TUBAL3: variants seen among roughly 807,000 people sequenced by gnomAD.
The protein encoded by TUBAL3 is tubulin alpha like 3, also known as tubulin alpha chain-like 3.
TUBAL3 carries 16 observed loss-of-function variants against 15.5 expected under a neutral mutation model. The ratio of observed to expected loss-of-function variants is 1.04; its 90% CI spans 0.70 to 1.57. The LOEUF (loss-of-function observed/expected upper bound fraction) is 1.57. Ranked by LOEUF, TUBAL3 falls within the 40% of genes most tolerant of loss-of-function variation. The pLI, the probability that TUBAL3 is intolerant of heterozygous loss-of-function variation, is 0.00. For synonymous variants in TUBAL3, 238 were observed against 224.3 expected (o/e 1.06, Z -0.55); for missense variants, 609 against 576.2 (o/e 1.06, Z -0.58).
Position 5,401,063 on chromosome 10 carries a change from C to G in TUBAL3, c.28G>C (p.Gly10Arg). The change falls in exon 2 of 4, where the codon GGT (glycine) becomes CGT (arginine). Residue 10 changes from glycine to arginine, a missense_variant. Transcript: ENST00000380419. ...TCCCCAATCTGGATGCCAGCTTGAC[C>G]GATGTGGATGGAAAGGCACTCCCTC... MRECLSIHI[G>R]QAGIQIGDAC... The G allele has an allele frequency of 1.2e-6, 2 of 1,614,072 alleles. No individual in the cohort carries two copies. The highest frequency in any genetic ancestry group is 1.7e-6 in the Non-Finnish European group (2 of 1,180,020).
Position 5,396,235 on chromosome 10 carries a change from C to T in TUBAL3, c.248-760G>A, listed in dbSNP as rs1344854149. Among the ~76,000 whole-genome samples, 1 of 152,164 alleles carries T rather than the reference C, an allele frequency of 6.6e-6. No individual in the cohort carries two copies. The highest frequency in any genetic ancestry group is 6.5e-5 in the Admixed American group (1 of 15,272). ...CACACAGAAAGGCATATCCAGGGCA[C>T]AGTGGCTCACACCTGTAATCCCAGC... On this transcript the variant is annotated intron_variant, in intron 2 of 3. Coordinates refer to ENST00000380419, the MANE Select transcript of TUBAL3 (RefSeq NM_024803.3). The surrounding 1 kb of genome is among the most constrained non-coding windows in gnomAD (Gnocchi z 5.1).
rs782444461 is a variant in TUBAL3 at position 5,393,977 on chromosome 10, G to T, written c.881C>A (p.Ser294Tyr). ...SADKAYHEQF[S>Y]VSDITTACFE... Reference sequence around the variant, plus strand: ...GCAGGCAGTGGTGATGTCTGACACAGAGAACTGCTCATGGTAGGCTTTGTC... The same window carrying T: ...GCAGGCAGTGGTGATGTCTGACACATAGAACTGCTCATGGTAGGCTTTGTC... Residue 294 changes from serine to tyrosine, a missense_variant, in exon 4 of 4, where the codon TCT becomes TAT. Physicochemically the swap from Ser to Tyr is moderately radical, Grantham distance 144. Transcript: ENST00000380419. The T allele has an allele frequency of 2.0e-5, 33 of 1,614,080 alleles. No homozygotes were observed. Among genetic ancestry groups the T allele is most frequent in the Non-Finnish European group, 2.7e-5 (32 of 1,180,042 alleles).
chr10:5,399,538 G>A (rs1473164132), intron 2 of TUBAL3, among the ~76,000 whole-genome samples: 1 of 152,208 alleles, frequency 6.6e-6, no homozygotes, highest in Non-Finnish European at 1.5e-5. Flanking sequence ...AACAACTGTT[G>A]TCTAAGCCAC....
chr10:5,401,093 A>C lies in TUBAL3; in HGVS notation c.4-6T>G. On this transcript the variant is annotated splice_polypyrimidine_tract_variant and splice_region_variant and intron_variant, in intron 1 of 3. Transcript: ENST00000380419. ...TGGATGGAAAGGCACTCCCTCTAAA[A>C]TAAGTCATGGTGAGTTGGAACTGAG... The C allele has an allele frequency of 6.2e-7, 1 of 1,613,898 alleles. No individual in the cohort carries two copies. Among genetic ancestry groups the C allele is most frequent in the Non-Finnish European group, 8.5e-7 (1 of 1,179,974 alleles).
At position 5,393,305 on chromosome 10, in the gene TUBAL3, C is replaced by T. The variant is rs1036265586; in HGVS notation, c.*212G>A. ...AAGGACTCTAAGCTTCCAAAGGCTC[C>T]CAGGTAGCAGAGCTGACTTGTACCA... is the stretch of plus-strand genomic sequence containing the variant. On this transcript the variant is annotated 3_prime_UTR_variant, in exon 4 of 4. Transcript: ENST00000380419. The T allele has an allele frequency of 4.1e-6, 2 of 485,398 alleles. No homozygotes were observed. The highest frequency in any genetic ancestry group is 1.9e-5 in the African/African-American group (1 of 51,520). 30.1% of individuals were successfully genotyped at this position (485,398 alleles called of 1,614,324 possible). A position where few individuals can be genotyped will look rare whatever the true frequency, so the allele number is the denominator to read the frequency against.
At chr10:5,398,427 A>C (rs1448415510) in intron 2 of TUBAL3, among the ~76,000 whole-genome samples, 1 of 150,076 alleles carries the variant, frequency 6.7e-6, no homozygotes, top group Non-Finnish European at 1.5e-5. Context: ...TCTCAAAAAA[A>C]AAAAAAAAAA....
At chr10:5,401,198 G>T in intron 1 of TUBAL3, 111 bp from the exon 2 acceptor site, 1 of 1,318,698 alleles carries the variant, frequency 7.6e-7, no homozygotes, top group Non-Finnish European at 1.0e-6. Flanking sequence ...TTAAGGCCAC[G>T]GAGGAATGTG....
At position 5,400,877 on chromosome 10, in the gene TUBAL3, C is replaced by A. The variant is rs782743908; in HGVS notation, c.214G>T (p.Ala72Ser). 3.1e-6 allele frequency: 5 copies of A among 1,614,196 alleles called. No individual in the cohort carries two copies. The highest frequency in any genetic ancestry group is 2.2e-5 in the East Asian group (1 of 44,880). The change falls in exon 2 of 4, where the codon GCA becomes TCA. Residue 72 changes from alanine to serine, a missense_variant. Ala to Ser is a moderately conservative substitution (Grantham distance 99). Transcript: ENST00000380419. ...GTTGGCTCCAAGTCCACGAAGAGTG[C>A]TCTAGGCACATGCTTCCCAGCTCTT... is the stretch of plus-strand genomic sequence containing the variant. ...ETRAGKHVPR[A>S]LFVDLEPTVI...
chr10:5,400,780 C>T lies in TUBAL3; in HGVS notation c.247+64G>A, dbSNP rs569857328. The stretch of plus-strand genomic sequence containing the variant: ...ATAGACCTGTATAATCTGCTAATCC[C>T]ATCCACTTGATTTGTTTGAGTGTGG... On this transcript the variant is annotated intron_variant, in intron 2 of 3. Coordinates refer to ENST00000380419, the MANE Select transcript of TUBAL3 (RefSeq NM_024803.3). 116 of 1,597,318 alleles carry T rather than the reference C, an allele frequency of 7.3e-5. 2 individuals are homozygous for T. The African/African-American group carries it at 1.0e-3, about 14-fold the overall frequency.
At position 5,397,011 on chromosome 10, in the gene TUBAL3, G is replaced by T. The variant is rs912183996; in HGVS notation, c.248-1536C>A. ...GATCTACCCCATTGAGCTGTTACGA[G>T]AACATAGGGCACAACGCACGGCCCA... On this transcript the variant is annotated intron_variant, in intron 2 of 3. Transcript: ENST00000380419. This position sits in a 1 kb window ranked among gnomAD's most constrained non-coding sequence, Gnocchi z 4.9. Among the ~76,000 whole-genome samples, 7 of 152,122 alleles carry T rather than the reference G, an allele frequency of 4.6e-5. No homozygotes were observed. The highest frequency in any genetic ancestry group is 1.7e-4 in the African/African-American group (7 of 41,414).
At position 5,395,270 on chromosome 10, in the gene TUBAL3, G is replaced by T. The variant is rs782620170; in HGVS notation, c.396+57C>A. On this transcript the variant is annotated intron_variant, in intron 3 of 3. Transcript: ENST00000380419. This position sits in a 1 kb window ranked among gnomAD's most constrained non-coding sequence, Gnocchi z 4.6. ...GCAGATAATGCTTGTGAGTTCTGCC[G>T]CAGGACCCCACATGCCCCAGGCACA... 9.3e-6 allele frequency: 13 copies of T among 1,400,230 alleles called. No individual in the cohort carries two copies. The East Asian group carries it at 3.3e-4, about 35-fold the overall frequency. The allele number at this position is 1,400,230 out of a possible 1,614,324, so 86.7% of individuals were successfully genotyped here.
intron 2 of TUBAL3, among the ~76,000 whole-genome samples, chr10:5,398,141 C>A (rs781975710): frequency 6.6e-6 from 1 of 152,198 alleles, no homozygotes. Flanking sequence ...AAAAAATTGG[C>A]CGGGTGCAGT....
In TUBAL3 at chr10:5,393,375, A is replaced by C. The variant is rs1335697642; in HGVS notation, c.*142T>G. 4 of 686,668 alleles carry C rather than the reference A, an allele frequency of 5.8e-6. No individual in the cohort carries two copies. The East Asian group carries it at 1.1e-4, about 19-fold the overall frequency. 42.5% of individuals were successfully genotyped at this position (686,668 alleles called of 1,614,324 possible). On this transcript the variant is annotated 3_prime_UTR_variant, in exon 4 of 4. Coordinates refer to ENST00000380419, the MANE Select transcript of TUBAL3 (RefSeq NM_024803.3). ...GTTCATTGTTGGTACTGACCCACTTAATTTAGTGTGGAACCTAGAGTCTTG... is the reference window on the plus strand; with the variant it reads ...GTTCATTGTTGGTACTGACCCACTTCATTTAGTGTGGAACCTAGAGTCTTG...
chr10:5,393,354 A>G lies in TUBAL3; in HGVS notation c.*163T>C, dbSNP rs985557136. The G allele has an allele frequency of 2.6e-5, 16 of 609,296 alleles. No homozygotes were observed. In the Admixed American group the frequency reaches 4.3e-4, roughly 17 times the overall value. The allele number at this position is 609,296 out of a possible 1,614,324, so 37.7% of individuals were successfully genotyped here. A position where few individuals can be genotyped will look rare whatever the true frequency, so the allele number is the denominator to read the frequency against. On this transcript the variant is annotated 3_prime_UTR_variant, in exon 4 of 4. Transcript: ENST00000380419. ...CAGTAGACCAGGAAATAATGTGTTC[A>G]TTGTTGGTACTGACCCACTTAATTT...
intron 1 of TUBAL3, among the ~76,000 whole-genome samples, chr10:5,402,834 T>C (rs1176130459): frequency 2.6e-5 from 4 of 152,256 alleles, no homozygotes; most frequent in African/African-American, 9.6e-5. Flanking sequence ...TGGAACAGTT[T>C]CATCCAGAAA....
rs1196734364 is a variant in TUBAL3, at chr10:5,395,121, A to G, written c.396+206T>C. Among the ~76,000 whole-genome samples the G allele has an allele frequency of 6.6e-6, 1 of 152,208 alleles. No homozygotes were observed. The highest frequency in any genetic ancestry group is 2.4e-5 in the African/African-American group (1 of 41,442). ...CAGGTGATCAGGGGACCCCCCAGTAAGTATAAAAGTTTCTGTCTCCTTCCT... is the reference window on the plus strand; with the variant it reads ...CAGGTGATCAGGGGACCCCCCAGTAGGTATAAAAGTTTCTGTCTCCTTCCT... On this transcript the variant is annotated intron_variant, in intron 3 of 3. Transcript: ENST00000380419. This position sits in a 1 kb window ranked among gnomAD's most constrained non-coding sequence, Gnocchi z 4.6.
rs1424306993 is a variant in TUBAL3, at chr10:5,394,629, A to G, written c.397-168T>C. Among the ~76,000 whole-genome samples the G allele has an allele frequency of 6.6e-6, 1 of 152,214 alleles. No homozygotes were observed. Among genetic ancestry groups the G allele is most frequent in the African/African-American group, 2.4e-5 (1 of 41,440 alleles). On this transcript the variant is annotated intron_variant, in intron 3 of 3. Coordinates refer to ENST00000380419, the MANE Select transcript of TUBAL3 (RefSeq NM_024803.3). The surrounding 1 kb of genome is among the most constrained non-coding windows in gnomAD (Gnocchi z 4.3). ...AACATAGCTACTTTGAAATACTCTC[A>G]AGGGGACTTCTGGAGTAGGCAAAGC...
At position 5,397,513 on chromosome 10, in the gene TUBAL3, G is replaced by A. The variant is rs1235053257; in HGVS notation, c.248-2038C>T. 1.3e-5 allele frequency among the ~76,000 whole-genome samples: 2 copies of A among 152,236 alleles called. No homozygotes were observed. The highest frequency in any genetic ancestry group is 2.9e-5 in the Non-Finnish European group (2 of 68,002). ...TGAGTCGGGATCTTGAGGGTCAATA[G>A]GTTCATAATTTATTTCCATAAAATC... On this transcript the variant is annotated intron_variant, in intron 2 of 3. Coordinates refer to ENST00000380419, the MANE Select transcript of TUBAL3 (RefSeq NM_024803.3). This position sits in a 1 kb window ranked among gnomAD's most constrained non-coding sequence, Gnocchi z 4.9.
Position 5,394,434 on chromosome 10 carries a change from A to G in TUBAL3, c.424T>C (p.Phe142Leu). Reference sequence around the variant, plus strand: ...CCTCCAAAGCTTCGGAAAATCAAAAATCCCTGAAGTCCACCACACTGTTCT... The same window carrying G: ...CCTCCAAAGCTTCGGAAAATCAAAAGTCCCTGAAGTCCACCACACTGTTCT... ...LAEQCGGLQG[F>L]LIFRSFGGGT... The change falls in exon 4 of 4, where the codon TTT (phenylalanine) becomes CTT (leucine). Residue 142 changes from phenylalanine to leucine, a missense_variant. Transcript: ENST00000380419. This position sits in a 1 kb window ranked among gnomAD's most constrained non-coding sequence, Gnocchi z 4.3. 1 of 1,611,612 alleles carries G rather than the reference A, an allele frequency of 6.2e-7. No homozygotes were observed. Among genetic ancestry groups the G allele is most frequent in the Non-Finnish European group, 8.5e-7 (1 of 1,178,898 alleles).
Sources: allele counts gnomAD v4.1 joint callset (sites outside exome capture counted in the v4.1 genomes callset), GRCh38; gene constraint gnomAD v4.1.1; non-coding constraint Gnocchi (gnomAD v3.1); transcripts MANE v1.5; gene names NCBI Gene and HGNC (gene_info 2026-07-23, HGNC 2026-07-21).